The following ADAMTSL3 variants were observed in gnomAD, a reference collection of about 807,000 sequenced individuals.
The protein encoded by ADAMTSL3 is ADAMTS like 3.
A neutral mutation model predicts 201.7 loss-of-function variants in ADAMTSL3; 128 were observed. The ratio of observed to expected loss-of-function variants is 0.63; its 90% confidence interval spans 0.55 to 0.73. The LOEUF (loss-of-function observed/expected upper bound fraction) is 0.73, where lower values mean the gene tolerates loss of function less well. Among genes scored for constraint, ADAMTSL3 ranks in the 30% least tolerant of loss-of-function variants. The pLI is 0.00. For missense variants in ADAMTSL3, 1,990 were observed against 2,119.6 expected (o/e 0.94, Z 1.20); for synonymous variants, 738 against 748.4 (o/e 0.99, Z 0.23).
chr15:83,936,713 C>A (rs2066466731), intron 17 of ADAMTSL3, among the ~76,000 whole-genome samples: 1 of 151,022 alleles, frequency 6.6e-6, no homozygotes, highest in African/African-American at 2.5e-5. Flanking sequence ...AAACTATCAA[C>A]AGAGTAAATA....
intron 15 of ADAMTSL3, among the ~76,000 whole-genome samples, chr15:83,903,917 C>CAAAAAAAAAAAAAAAAAAAAAAAAA (rs1168502648): frequency 5.2e-5 from 1 of 19,274 alleles, no homozygotes; most frequent in Non-Finnish European, 7.3e-5. Context: ...GACTCCACAT[C>CAAAAAAAAAAAAAAAAAAAAAAAAA]AAAAAAAAAA....
chr15:83,792,194 G>T (rs921393687), intron 4 of ADAMTSL3, among the ~76,000 whole-genome samples: 6 of 152,072 alleles, frequency 3.9e-5, no homozygotes, highest in African/African-American at 1.4e-4. Context: ...TAAAAAATGG[G>T]CAAAGGACCC....
Position 83,991,148 on chromosome 15 carries a change from G to C in ADAMTSL3, c.3907G>C (p.Val1303Leu). ...CAAACCAGAGCACAACCATCTGTCT[G>C]TTGTGGTTGGAGGCATCGTGGAGGC... Reference protein sequence around the residue: ...ITKPEHNHLSVVVGGIVEAAL... With the variant: ...ITKPEHNHLSLVVGGIVEAAL... The change falls in exon 23 of 30, where the codon GTT becomes CTT. Residue 1303 changes from valine (V) to leucine (L), a missense_variant. Val to Leu is a conservative substitution (Grantham distance 32, BLOSUM62 1). Transcript: ENST00000286744. 1 of 1,614,244 alleles carries C rather than the reference G, an allele frequency of 6.2e-7. No individual in the cohort carries two copies. The highest frequency in any genetic ancestry group is 8.5e-7 in the Non-Finnish European group (1 of 1,180,034).
At chr15:83,992,065 A>G (rs2067591388) in intron 23 of ADAMTSL3, among the ~76,000 whole-genome samples, 1 of 152,110 alleles carries the variant, frequency 6.6e-6, no homozygotes, top group African/African-American at 2.4e-5. Context: ...TGATTTCCCT[A>G]GCTTCCAAGT....
At chr15:83,702,560 C>A (rs999448142) in intron 2 of ADAMTSL3, among the ~76,000 whole-genome samples, 1 of 152,178 alleles carries the variant, frequency 6.6e-6, no homozygotes, top group Admixed American at 6.5e-5. Context: ...GCTGCTCCAG[C>A]TATGGCTGAA....
chr15:83,797,386 G>A (rs370542596), intron 4 of ADAMTSL3, among the ~76,000 whole-genome samples: 49 of 152,226 alleles, frequency 3.2e-4, no homozygotes, highest in African/African-American at 8.9e-4. Context: ...GCCACGATGC[G>A]CGGATCACTT....
intron 22 of ADAMTSL3, 113 bp from the exon 23 acceptor site, chr15:83,990,973 C>A: frequency 6.8e-7 from 1 of 1,477,304 alleles, no homozygotes. Flanking sequence ...CAGAGAGAAC[C>A]AGGACTCCAC....
Position 84,022,589 on chromosome 15 carries a change from A to ATCT in ADAMTSL3, c.4457+998_4457+1000dup, listed in dbSNP as rs148086917. Among the ~76,000 whole-genome samples the ATCT allele has an allele frequency of 9.8e-5, 15 of 152,352 alleles. No homozygotes were observed. The East Asian group carries it at 2.7e-3, about 27-fold the overall frequency. The stretch of plus-strand genomic sequence containing the variant: ...GATGCCATGTGCAATTTACACATTT[A>ATCT]TCTTAGGACAAAGGCCAAAATTCCC... On this transcript the variant is annotated intron_variant, in intron 26 of 29. Transcript: ENST00000286744.
At chr15:84,033,589 G>A (rs2068446452) in intron 28 of ADAMTSL3, among the ~76,000 whole-genome samples, 1 of 152,160 alleles carries the variant, frequency 6.6e-6, no homozygotes, top group African/African-American at 2.4e-5. Context: ...AACCTGGGAG[G>A]TGGAGGCTGC....
chr15:83,967,338 A>G (rs1387461157), intron 19 of ADAMTSL3, among the ~76,000 whole-genome samples: 1 of 152,246 alleles, frequency 6.6e-6, no homozygotes, highest in East Asian at 1.9e-4. Flanking sequence ...AAGTCTCAGG[A>G]TACAAAATCA....
intron 15 of ADAMTSL3, among the ~76,000 whole-genome samples, chr15:83,900,020 C>T (rs989186638): frequency 1.3e-5 from 2 of 152,184 alleles, no homozygotes; most frequent in African/African-American, 4.8e-5. Flanking sequence ...GGTTTTAACG[C>T]ATGTGATTTG....
intron 19 of ADAMTSL3, among the ~76,000 whole-genome samples, chr15:83,943,974 T>TTA (rs1567253604): frequency 1.3e-5 from 2 of 151,950 alleles, no homozygotes; most frequent in Non-Finnish European, 2.9e-5. Flanking sequence ...TGTTTTTTTT[T>TTA]ATCTGATAAC....
chr15:83,907,272 G>A (rs1205547973), intron 15 of ADAMTSL3, among the ~76,000 whole-genome samples: 1 of 151,964 alleles, frequency 6.6e-6, no homozygotes, highest in Non-Finnish European at 1.5e-5. Flanking sequence ...CAGGAGATTT[G>A]TCTACTATAA....
chr15:83,775,965 C>T (rs565163567), intron 4 of ADAMTSL3, among the ~76,000 whole-genome samples: 2 of 152,272 alleles, frequency 1.3e-5, no homozygotes, highest in East Asian at 1.9e-4. Context: ...ACATCTGGTT[C>T]ACAGGAAACC....
rs1477561097 is a variant in ADAMTSL3 at position 83,751,593 on chromosome 15, G to A, written c.190-21930G>A. Among the ~76,000 whole-genome samples, 4 of 152,158 alleles carry A rather than the reference G, an allele frequency of 2.6e-5. No homozygotes were observed. In the East Asian group the frequency reaches 7.7e-4, roughly 29 times the overall value. On this transcript the variant is annotated intron_variant, in intron 3 of 29. Transcript: ENST00000286744. ...GTTTGTGTCCTTTCCAAGAAGGTGG[G>A]CAGCTGTGCCAGGAAATTCGATGTA...
At chr15:83,720,105 G>A (rs2062077513) in intron 3 of ADAMTSL3, among the ~76,000 whole-genome samples, 1 of 152,164 alleles carries the variant, frequency 6.6e-6, no homozygotes, top group Non-Finnish European at 1.5e-5. Context: ...TGTAATCCCA[G>A]CTACTCAGGA....
intron 3 of ADAMTSL3, among the ~76,000 whole-genome samples, chr15:83,760,237 A>G (rs567544699): frequency 1.3e-5 from 2 of 152,270 alleles, no homozygotes; most frequent in South Asian, 4.1e-4. Context: ...TTGGTATGTA[A>G]TATATTCATC....
rs139733944 is a variant in ADAMTSL3, at chr15:83,817,327, G to A, written c.364-2484G>A. On this transcript the variant is annotated intron_variant, in intron 5 of 29. Transcript: ENST00000286744. ...TCTATTTGTGGAAAAAGAAAAGCTA[G>A]ATTTCTAACTTAAACCATTCATCTA... 6.0e-4 allele frequency among the ~76,000 whole-genome samples: 91 copies of A among 152,272 alleles called. No homozygotes were observed. The East Asian group carries it at 0.015, about 26-fold the overall frequency.
chr15:83,743,661 G>C (rs1237458150), intron 3 of ADAMTSL3, among the ~76,000 whole-genome samples: 1 of 152,160 alleles, frequency 6.6e-6, no homozygotes, highest in Admixed American at 6.5e-5. Context: ...GCCGTGGCTG[G>C]GGAGGGGAGG....
Sources: allele counts gnomAD v4.1 joint callset (sites outside exome capture counted in the v4.1 genomes callset), GRCh38; gene constraint gnomAD v4.1.1; transcripts MANE v1.5; gene names NCBI Gene and HGNC (gene_info 2026-07-23, HGNC 2026-07-21).